Variants in ANTXR1 observed in about 807,000 individuals in gnomAD.
ANTXR1 encodes anthrax toxin receptor 1.
ANTXR1 carries 19 observed loss-of-function variants against 78.1 expected under a neutral mutation model. That is an observed-to-expected ratio of 0.24 (90% CI 0.17 to 0.36). The LOEUF (loss-of-function observed/expected upper bound fraction) is 0.36. ANTXR1 is among the 10% of genes least tolerant of loss of function. ANTXR1 has a pLI of 1.00. For missense variants in ANTXR1, 518 were observed against 718.6 expected, an observed-to-expected ratio of 0.72 and a Z score of 3.19; for synonymous variants, 273 against 260.5, an observed-to-expected ratio of 1.05 and a Z score of -0.46.
chr2:69,125,880 C>G (rs908966070), intron 12 of ANTXR1, among the ~76,000 whole-genome samples: 3 of 152,040 alleles, frequency 2.0e-5, no homozygotes, highest in African/African-American at 7.2e-5. Context: ...CTAACATGAG[C>G]ATTTCCAAAA....
intron 16 of ANTXR1, among the ~76,000 whole-genome samples, chr2:69,187,816 C>G (rs774094699): frequency 4.0e-5 from 6 of 151,400 alleles, no homozygotes; most frequent in South Asian, 4.2e-4. Flanking sequence ...ATCTCAATCT[C>G]TTGACCTCTT....
intron 17 of ANTXR1, among the ~76,000 whole-genome samples, chr2:69,242,520 G>A (rs776720543): frequency 3.9e-5 from 6 of 152,134 alleles, no homozygotes; most frequent in African/African-American, 9.7e-5. Flanking sequence ...ATGAGCTTCC[G>A]GATTCATTAA....
chr2:69,117,538 T>C lies in ANTXR1; in HGVS notation c.803-5479T>C, dbSNP rs570270516. Among the ~76,000 whole-genome samples the C allele has an allele frequency of 5.9e-5, 9 of 152,316 alleles. No individual in the cohort carries two copies. In the East Asian group the frequency reaches 1.7e-3, roughly 29 times the overall value. On this transcript the variant is annotated intron_variant, in intron 10 of 17. Transcript: ENST00000303714. ...CACAAATTCACTAAAGCTTTTCATT[T>C]CCCTATTAATTCCTGATGTCTACAA...
At chr2:69,078,999 A>C (rs1670820628) in intron 8 of ANTXR1, among the ~76,000 whole-genome samples, 1 of 152,108 alleles carries the variant, frequency 6.6e-6, no homozygotes, top group African/African-American at 2.4e-5. Context: ...GAACATTGAC[A>C]TATCTGACCT....
chr2:69,098,070 G>T (rs1303311251), intron 9 of ANTXR1, among the ~76,000 whole-genome samples: 1 of 152,184 alleles, frequency 6.6e-6, no homozygotes, highest in Non-Finnish European at 1.5e-5. Flanking sequence ...GCAGACCAGT[G>T]GTTGTGTGGG....
chr2:69,045,042 A>G (rs947527011), intron 3 of ANTXR1, among the ~76,000 whole-genome samples: 1 of 152,202 alleles, frequency 6.6e-6, no homozygotes, highest in Admixed American at 6.5e-5. Context: ...ATAAATGATG[A>G]AATTACATTA....
intron 17 of ANTXR1, among the ~76,000 whole-genome samples, chr2:69,237,670 G>A (rs1403799851): frequency 3.3e-5 from 5 of 152,098 alleles, no homozygotes; most frequent in Non-Finnish European, 7.4e-5. Context: ...ATCCACCTGC[G>A]TTGGCCTCCT....
At chr2:69,025,143 C>T (rs1197056715) in intron 1 of ANTXR1, among the ~76,000 whole-genome samples, 1 of 152,180 alleles carries the variant, frequency 6.6e-6, no homozygotes, top group Non-Finnish European at 1.5e-5. Flanking sequence ...CCACACCCAT[C>T]TTTACCTAGG....
chr2:69,213,995 C>G (rs1675115665), intron 17 of ANTXR1, among the ~76,000 whole-genome samples: 2 of 152,232 alleles, frequency 1.3e-5, no homozygotes, highest in African/African-American at 4.8e-5. Flanking sequence ...TGCCAGCCCC[C>G]AGGGCAACCC....
intron 3 of ANTXR1, 114 bp downstream of exon 3, chr2:69,044,927 T>G (rs1379771671): frequency 5.7e-6 from 6 of 1,052,882 alleles, no homozygotes; most frequent in Non-Finnish European, 8.8e-6. Context: ...TAATAGTTCC[T>G]TCTTTTACCC....
chr2:69,146,569 G>C (rs926733729), intron 12 of ANTXR1, among the ~76,000 whole-genome samples: 8 of 152,344 alleles, frequency 5.3e-5, no homozygotes, highest in African/African-American at 1.9e-4. Context: ...CAAACACTGA[G>C]AGTCTGCTGG....
At chr2:69,066,375 A>T (rs1053729406) in intron 3 of ANTXR1, among the ~76,000 whole-genome samples, 2 of 151,888 alleles carry the variant, frequency 1.3e-5, no homozygotes, top group African/African-American at 2.4e-5. Flanking sequence ...TGGCTCACTC[A>T]ACCTCTGCCT....
chr2:69,165,620 G>T (rs1296312617), intron 13 of ANTXR1, among the ~76,000 whole-genome samples: 1 of 152,262 alleles, frequency 6.6e-6, no homozygotes, highest in Non-Finnish European at 1.5e-5. Flanking sequence ...ACTAGGCCTG[G>T]CATTCTTTTG....
At position 69,213,325 on chromosome 2, in the gene ANTXR1, G is replaced by A. The variant is rs867655681; in HGVS notation, c.1434+19910G>A. On this transcript the variant is annotated intron_variant, in intron 17 of 17. Transcript: ENST00000303714. Reference sequence around the variant, plus strand: ...CTGAAGCGCTGCTTCTCATGGCTGGGCAGCCTATAATCTCTTTGTCAGCCA... The same window carrying A: ...CTGAAGCGCTGCTTCTCATGGCTGGACAGCCTATAATCTCTTTGTCAGCCA... 4.6e-5 allele frequency among the ~76,000 whole-genome samples: 7 copies of A among 152,270 alleles called. No individual in the cohort carries two copies. The Middle Eastern group carries it at 0.02, about 444-fold the overall frequency.
chr2:69,049,689 G>A (rs142378701), intron 3 of ANTXR1, among the ~76,000 whole-genome samples: 57 of 152,202 alleles, frequency 3.7e-4, no homozygotes, highest in African/African-American at 1.3e-3. Context: ...TTCCAATAAG[G>A]TGATTGTAGT....
chr2:69,049,946 G>C (rs1248687864), intron 3 of ANTXR1, among the ~76,000 whole-genome samples: 1 of 152,058 alleles, frequency 6.6e-6, no homozygotes, highest in Non-Finnish European at 1.5e-5. Flanking sequence ...TATCAAAATA[G>C]TTATATCTTT....
chr2:69,237,798 C>G (rs1675804727), intron 17 of ANTXR1, among the ~76,000 whole-genome samples: 1 of 152,166 alleles, frequency 6.6e-6, no homozygotes, highest in Admixed American at 6.5e-5. Context: ...ATACATACCT[C>G]TATCTATACA....
intron 8 of ANTXR1, among the ~76,000 whole-genome samples, chr2:69,083,783 A>G (rs2104257638): frequency 6.6e-6 from 1 of 152,268 alleles, no homozygotes; most frequent in Non-Finnish European, 1.5e-5. Context: ...CCAAGATTGC[A>G]TCTGTAAAAC....
At chr2:69,057,923 C>A (rs1670112041) in intron 3 of ANTXR1, among the ~76,000 whole-genome samples, 1 of 152,130 alleles carries the variant, frequency 6.6e-6, no homozygotes. Context: ...AGCAAAACAG[C>A]CTTATTGCCG....
Sources: allele counts gnomAD v4.1 joint callset (sites outside exome capture counted in the v4.1 genomes callset), GRCh38; gene constraint gnomAD v4.1.1; transcripts MANE v1.5; gene names NCBI Gene and HGNC (gene_info 2026-07-23, HGNC 2026-07-21).